ADGRL3: variants seen among roughly 807,000 people sequenced by gnomAD.
The protein encoded by ADGRL3 is adhesion G protein-coupled receptor L3.
A neutral mutation model predicts 153.5 loss-of-function variants in ADGRL3; 62 were observed. That is an observed-to-expected ratio of 0.40 (90% CI 0.33 to 0.50). The LOEUF (loss-of-function observed/expected upper bound fraction) is 0.50. Ranked by LOEUF, ADGRL3 falls within the 20% of genes least tolerant of loss-of-function variation. The pLI, the probability that ADGRL3 is intolerant of heterozygous loss-of-function variation, is 0.47. For synonymous variants in ADGRL3, 710 were observed against 672.5 expected (o/e 1.06, Z -0.86); for missense variants, 1,641 against 1,859.4 (o/e 0.88, Z 2.16).
Position 62,007,749 on chromosome 4 carries a change from A to C in ADGRL3, c.3395+9484A>C, listed in dbSNP as rs1022662546. On this transcript the variant is annotated intron_variant, in intron 21 of 26. Transcript: ENST00000683033. The stretch of plus-strand genomic sequence containing the variant: ...TCTCCCAACCAGCCACCCCTTGGCC[A>C]CTCCTCAAACCTAGACAACCTTGGG... Among the ~76,000 whole-genome samples, 6 of 151,492 alleles carry C rather than the reference A, an allele frequency of 4.0e-5. 1 individual carries two copies. The highest frequency in any genetic ancestry group is 2.0e-4 in the Admixed American group (3 of 15,170).
intron 2 of ADGRL3, among the ~76,000 whole-genome samples, chr4:61,439,685 A>G (rs1365504458): frequency 2.6e-5 from 4 of 151,884 alleles, no homozygotes; most frequent in African/African-American, 9.7e-5. Context: ...ACTCCCACTT[A>G]TGAGTGAGAA....
At chr4:61,251,573 C>T (rs1215480380) in intron 1 of ADGRL3, among the ~76,000 whole-genome samples, 1 of 152,084 alleles carries the variant, frequency 6.6e-6, no homozygotes, top group Admixed American at 6.6e-5. Flanking sequence ...TTGTGGTTAT[C>T]GCCAATGAGA....
At chr4:61,695,588 A>G (rs1207560045) in intron 6 of ADGRL3, among the ~76,000 whole-genome samples, 1 of 152,158 alleles carries the variant, frequency 6.6e-6, no homozygotes, top group African/African-American at 2.4e-5. Context: ...AGAATAGTAA[A>G]TGGGCACTGG....
intron 5 of ADGRL3, among the ~76,000 whole-genome samples, chr4:61,596,040 G>T (rs1208806954): frequency 3.3e-5 from 5 of 152,114 alleles, no homozygotes; most frequent in Admixed American, 6.5e-5. Flanking sequence ...GAATGGGGAG[G>T]GGTGTCAATG....
chr4:62,073,258 A>G lies in ADGRL3; in HGVS notation c.*2350A>G, dbSNP rs182903151. 6.6e-6 allele frequency: 1 copy of G among 152,294 alleles called. No homozygotes were observed. Among genetic ancestry groups the G allele is most frequent in the African/African-American group, 2.4e-5 (1 of 41,584 alleles). The allele number at this position is 152,294 out of a possible 1,614,324, so 9.4% of individuals were successfully genotyped here. A position where few individuals can be genotyped will look rare whatever the true frequency, so the allele number is the denominator to read the frequency against. On this transcript the variant is annotated 3_prime_UTR_variant, in exon 27 of 27. Transcript: ENST00000683033. ...AGCCAGAGTGCATCATAACCTTCACATCACCTCAAAATATTTTATGTCTCA... is the reference window on the plus strand; with the variant it reads ...AGCCAGAGTGCATCATAACCTTCACGTCACCTCAAAATATTTTATGTCTCA...
chr4:61,771,106 TC>T (rs2097080237), intron 8 of ADGRL3, among the ~76,000 whole-genome samples: 2 of 152,180 alleles, frequency 1.3e-5, no homozygotes, highest in South Asian at 4.1e-4. Context: ...AGGTGTGAAT[TC>T]TACCCCATCC....
In ADGRL3 at chr4:61,310,868, A is replaced by T. The variant is rs139800225; in HGVS notation, c.-239-72256A>T. On this transcript the variant is annotated intron_variant, in intron 1 of 26. Transcript: ENST00000683033. The stretch of plus-strand genomic sequence containing the variant: ...CCCTATAAATTTAATGCCTCTAAAT[A>T]AATTATGAATGTTACAGAGAAGTTA... 2.1e-3 allele frequency among the ~76,000 whole-genome samples: 320 copies of T among 152,118 alleles called. 6 individuals are homozygous for T. The highest frequency in any genetic ancestry group is 0.018 in the Admixed American group (268 of 15,248).
chr4:61,266,930 TAATC>T (rs966434704), intron 1 of ADGRL3, among the ~76,000 whole-genome samples: 3 of 151,732 alleles, frequency 2.0e-5, no homozygotes, highest in African/African-American at 7.2e-5. Flanking sequence ...GGACTATCAC[TAATC>T]AATTTATTTT....
At chr4:61,867,344 C>G (rs1027517517) in intron 9 of ADGRL3, among the ~76,000 whole-genome samples, 32 of 150,628 alleles carry the variant, frequency 2.1e-4, no homozygotes, top group African/African-American at 7.8e-4. Flanking sequence ...ACAAAAAATG[C>G]AAAAATTAGC....
intron 1 of ADGRL3, among the ~76,000 whole-genome samples, chr4:61,302,363 C>T (rs1187745319): frequency 1.3e-5 from 2 of 151,982 alleles, no homozygotes; most frequent in African/African-American, 4.8e-5. Flanking sequence ...TGAAAGGCTA[C>T]TACTAGTGGA....
intron 1 of ADGRL3, among the ~76,000 whole-genome samples, chr4:61,229,855 C>T (rs533806977): frequency 4.0e-5 from 6 of 150,616 alleles, no homozygotes; most frequent in South Asian, 2.1e-4. Flanking sequence ...TGCAGTGAGC[C>T]GAGATTGTGA....
intron 6 of ADGRL3, among the ~76,000 whole-genome samples, chr4:61,723,805 A>G (rs2096280831): frequency 1.3e-5 from 2 of 152,138 alleles, no homozygotes; most frequent in Non-Finnish European, 2.9e-5. Flanking sequence ...TAGAAAAGAA[A>G]TGTTTTGGGA....
In ADGRL3 at chr4:61,422,210, A is replaced by T. The variant is rs572655562; in HGVS notation, c.-174+39021A>T. On this transcript the variant is annotated intron_variant, in intron 2 of 26. Coordinates refer to ENST00000683033, the MANE Select transcript of ADGRL3 (RefSeq NM_001387552.1). ...TGGGGAGTCTTGAGAATTTTTCATT[A>T]AAAGTAAAGTTTAAAGCCTCAGAGT... is the stretch of plus-strand genomic sequence containing the variant. Among the ~76,000 whole-genome samples, 8 of 152,312 alleles carry T rather than the reference A, an allele frequency of 5.3e-5. No individual in the cohort carries two copies. In the South Asian group the frequency reaches 8.3e-4, roughly 16 times the overall value.
intron 1 of ADGRL3, among the ~76,000 whole-genome samples, chr4:61,275,719 G>A (rs1287358272): frequency 1.3e-5 from 2 of 152,092 alleles, no homozygotes; most frequent in African/African-American, 4.8e-5. Flanking sequence ...TAACCTGCCT[G>A]GTCCCTGTAG....
intron 2 of ADGRL3, among the ~76,000 whole-genome samples, chr4:61,428,751 G>A (rs184322294): frequency 2.4e-3 from 363 of 152,022 alleles, no homozygotes; most frequent in Admixed American, 3.5e-3. Context: ...ATGCTTAGCC[G>A]GTATCTGTAA....
chr4:62,038,614 T>G (rs1237456803), intron 24 of ADGRL3, among the ~76,000 whole-genome samples: 1 of 151,874 alleles, frequency 6.6e-6, no homozygotes, highest in Admixed American at 6.6e-5. Context: ...TATTTGTTTG[T>G]TTTTTGAGAC....
At chr4:61,314,429 G>A (rs944123123) in intron 1 of ADGRL3, among the ~76,000 whole-genome samples, 7 of 152,148 alleles carry the variant, frequency 4.6e-5, no homozygotes, top group Admixed American at 2.0e-4. Context: ...GGCTGGTCTC[G>A]AACTCCTGAC....
At chr4:61,979,831 G>T in intron 18 of ADGRL3, 59 bp downstream of exon 18, 1 of 1,336,840 alleles carries the variant, frequency 7.5e-7, no homozygotes, top group Non-Finnish European at 1.1e-6. Flanking sequence ...TTTCAGTAGC[G>T]CCAATACTAA....
rs182325858 is a variant in ADGRL3, at chr4:62,062,551, C to A, written c.3815-5615C>A. Among the ~76,000 whole-genome samples the A allele has an allele frequency of 1.5e-3, 233 of 152,110 alleles. 1 individual carries two copies. The highest frequency in any genetic ancestry group is 5.4e-3 in the African/African-American group (224 of 41,530). ...TTTCTTTATTCATCTAACACAAATACACAATTCTGTCTATTATTTTCATAA... is the reference window on the plus strand; with the variant it reads ...TTTCTTTATTCATCTAACACAAATAAACAATTCTGTCTATTATTTTCATAA... On this transcript the variant is annotated intron_variant, in intron 25 of 26. Coordinates refer to ENST00000683033, the MANE Select transcript of ADGRL3 (RefSeq NM_001387552.1).
Sources: gnomAD v4.1 joint callset for allele counts (sites outside exome capture counted in the v4.1 genomes callset) on GRCh38, gnomAD v4.1.1 for gene constraint, MANE v1.5 for transcripts, NCBI Gene and HGNC (gene_info 2026-07-23, HGNC 2026-07-21) for gene names.